The following REDIC1 variants were observed in gnomAD, a reference collection of about 807,000 sequenced individuals.
REDIC1 encodes regulator of DNA class I crossover intermediates 1.
the REDIC1 span, among the ~76,000 whole-genome samples, chr12:39,713,345 T>G: frequency 1.6e-5 from 2 of 124,940 alleles, 1 homozygote; most frequent in East Asian, 4.5e-4. Flanking sequence ...CGTGTATATA[T>G]GTGTATACAC....
At chr12:39,634,912 T>C in the REDIC1 span, among the ~76,000 whole-genome samples, 9 of 151,768 alleles carry the variant, frequency 5.9e-5, no homozygotes, top group Non-Finnish European at 2.9e-5. Flanking sequence ...ATATCCAGAA[T>C]CTACAAAGAA....
chr12:39,630,019 C>T, the REDIC1 span, among the ~76,000 whole-genome samples: 2 of 151,962 alleles, frequency 1.3e-5, no homozygotes, highest in Non-Finnish European at 2.9e-5. Flanking sequence ...ACTTAGTGAC[C>T]TACACCTCTC....
the REDIC1 span, among the ~76,000 whole-genome samples, chr12:39,673,038 G>A: frequency 6.6e-6 from 1 of 152,104 alleles, no homozygotes; most frequent in East Asian, 1.9e-4. Context: ...AGTCTGTGAT[G>A]AGAATGTGGA....
chr12:39,709,231 T>G, the REDIC1 span, among the ~76,000 whole-genome samples: 1 of 151,586 alleles, frequency 6.6e-6, no homozygotes. Context: ...TATGTGTTTT[T>G]TTTTTTTTTA....
the REDIC1 span, among the ~76,000 whole-genome samples, chr12:39,725,534 C>T: frequency 5.3e-5 from 8 of 151,954 alleles, no homozygotes; most frequent in African/African-American, 1.2e-4. Flanking sequence ...TGTTTTATTT[C>T]GCAGTACTGT....
At chr12:39,762,670 T>C in the REDIC1 span, among the ~76,000 whole-genome samples, 1 of 152,138 alleles carries the variant, frequency 6.6e-6, no homozygotes, top group Non-Finnish European at 1.5e-5. Flanking sequence ...ACGATTAGGA[T>C]GTATATTTAT....
At chr12:39,711,853 G>T in the REDIC1 span, among the ~76,000 whole-genome samples, 1 of 74,002 alleles carries the variant, frequency 1.4e-5, no homozygotes, top group South Asian at 3.9e-4. Context: ...ACACATGCAT[G>T]TGTATGTGTA....
the REDIC1 span, among the ~76,000 whole-genome samples, chr12:39,779,599 G>A: frequency 5.3e-5 from 8 of 152,128 alleles, no homozygotes; most frequent in African/African-American, 1.9e-4. Context: ...CTTCCCATTA[G>A]GCTGATCTTT....
At chr12:39,807,253 T>A in the REDIC1 span, among the ~76,000 whole-genome samples, 1 of 152,092 alleles carries the variant, frequency 6.6e-6, no homozygotes, top group Non-Finnish European at 1.5e-5. Context: ...CCACTAGGGA[T>A]CCCTGTGGTA....
At chr12:39,885,798 C>A in the REDIC1 span, among the ~76,000 whole-genome samples, 1 of 152,106 alleles carries the variant, frequency 6.6e-6, no homozygotes, top group African/African-American at 2.4e-5. Context: ...AAGATCGTTC[C>A]CAATGCAAAA....
At chr12:39,783,187 G>A in the REDIC1 span, among the ~76,000 whole-genome samples, 186 of 152,160 alleles carry the variant, frequency 1.2e-3, 1 homozygote, top group African/African-American at 4.2e-3. Context: ...ATGTCCCTAC[G>A]AAGGACATGA....
chr12:39,814,830 C>T, the REDIC1 span, among the ~76,000 whole-genome samples: 1 of 152,126 alleles, frequency 6.6e-6, no homozygotes, highest in East Asian at 1.9e-4. Context: ...TCACAATATG[C>T]ATTATCACAA....
chr12:39,696,628 C>A, the REDIC1 span, among the ~76,000 whole-genome samples: 2 of 139,334 alleles, frequency 1.4e-5, no homozygotes, highest in Admixed American at 1.5e-4. Context: ...TGTGACCTTT[C>A]AGACACAGTA....
chr12:39,844,308 G>A, the REDIC1 span, among the ~76,000 whole-genome samples: 5 of 152,122 alleles, frequency 3.3e-5, 1 homozygote, highest in Non-Finnish European at 7.4e-5. Flanking sequence ...ACAGTTTAGG[G>A]TCATAGTAAC....
the REDIC1 span, among the ~76,000 whole-genome samples, chr12:39,718,290 C>G: frequency 6.6e-6 from 1 of 152,036 alleles, no homozygotes; most frequent in Non-Finnish European, 1.5e-5. Context: ...TGTTGTGCTT[C>G]AAAACATGTA....
the REDIC1 span, among the ~76,000 whole-genome samples, chr12:39,833,341 C>A: frequency 2.0e-5 from 3 of 152,050 alleles, no homozygotes; most frequent in Admixed American, 2.0e-4. Context: ...GGAGATATTT[C>A]GCCCTTTTTT....
chr12:39,642,827 T>C, the REDIC1 span, among the ~76,000 whole-genome samples: 1 of 151,788 alleles, frequency 6.6e-6, no homozygotes, highest in Non-Finnish European at 1.5e-5. Context: ...ATTTACTTTT[T>C]TGTGTGTGAT....
the REDIC1 span, among the ~76,000 whole-genome samples, chr12:39,727,363 G>T: frequency 1.3e-5 from 2 of 152,020 alleles, no homozygotes; most frequent in Non-Finnish European, 2.9e-5. Context: ...TCAGTTTTCT[G>T]CATATGGCTA....
the REDIC1 span, among the ~76,000 whole-genome samples, chr12:39,640,543 AT>A: frequency 6.6e-6 from 1 of 152,040 alleles, no homozygotes; most frequent in East Asian, 1.9e-4. Flanking sequence ...TCCCAAATAG[AT>A]TTCAACTTCC....
Sources: allele counts gnomAD v4.1 joint callset (sites outside exome capture counted in the v4.1 genomes callset), GRCh38; gene constraint gnomAD v4.1.1; transcripts MANE v1.5; gene names NCBI Gene and HGNC (gene_info 2026-07-23, HGNC 2026-07-21).